The following TEAD1 variants were observed in gnomAD, a reference collection of about 807,000 sequenced individuals.
TEAD1 encodes the protein transcriptional enhancer factor TEF-1.
A neutral mutation model predicts 54.9 loss-of-function variants in TEAD1; 9 were observed. The ratio of observed to expected loss-of-function variants is 0.16; its 90% CI spans 0.10 to 0.29. The LOEUF is 0.29. Among genes scored for constraint, TEAD1 ranks in the 10% least tolerant of loss-of-function variants. The probability of loss-of-function intolerance (pLI) is 1.00; values close to 1 mark genes in which losing one functional copy is unlikely to be tolerated. For missense variants in TEAD1, 387 were observed against 535.9 expected, an observed-to-expected ratio of 0.72 and a Z score of 2.74; for synonymous variants, 200 against 187.8, an observed-to-expected ratio of 1.07 and a Z score of -0.53.
At chr11:12,766,586 T>C (rs1945212505) in intron 3 of TEAD1, among the ~76,000 whole-genome samples, 1 of 152,208 alleles carries the variant, frequency 6.6e-6, no homozygotes, top group Non-Finnish European at 1.5e-5. Context: ...TTCTTGTCAC[T>C]GAGCAAGAGG....
chr11:12,749,668 C>G (rs577284018), intron 2 of TEAD1, among the ~76,000 whole-genome samples: 4 of 152,318 alleles, frequency 2.6e-5, no homozygotes, highest in South Asian at 2.1e-4. Flanking sequence ...CTGTCCGTAC[C>G]TCTCTTGGAC....
intron 3 of TEAD1, among the ~76,000 whole-genome samples, chr11:12,801,564 G>C (rs997184967): frequency 6.6e-6 from 1 of 152,228 alleles, no homozygotes; most frequent in South Asian, 2.1e-4. Flanking sequence ...CTATTTTGCA[G>C]ATGCACAAAC....
At chr11:12,769,431 A>G (rs1173602339) in intron 3 of TEAD1, among the ~76,000 whole-genome samples, 1 of 152,218 alleles carries the variant, frequency 6.6e-6, no homozygotes. Context: ...AAGTGGGAGT[A>G]TGTATTGATT....
chr11:12,801,731 G>A (rs115460040), intron 3 of TEAD1, among the ~76,000 whole-genome samples: 291 of 152,302 alleles, frequency 1.9e-3, no homozygotes, highest in African/African-American at 6.5e-3. Flanking sequence ...GTGCATTGTC[G>A]CCACAGAGTC....
chr11:12,817,423 G>C (rs113555900), intron 3 of TEAD1, among the ~76,000 whole-genome samples: 293 of 152,210 alleles, frequency 1.9e-3, no homozygotes, highest in African/African-American at 6.6e-3. Flanking sequence ...TTGATCTGTT[G>C]TACCCTATTT....
chr11:12,820,714 C>T (rs1369409755), intron 3 of TEAD1, among the ~76,000 whole-genome samples: 2 of 151,510 alleles, frequency 1.3e-5, no homozygotes, highest in East Asian at 3.8e-4. Context: ...GGAACCCGGA[C>T]AAAGAAAAAC....
In TEAD1 at chr11:12,719,774, A is replaced by G. The variant is rs184903305; in HGVS notation, c.-55+44213A>G. ...CTGCGAAGAACTTGGCCAGCTATAC[A>G]ATCTTGAGCTAATAGCTAAAAAAAC... On this transcript the variant is annotated intron_variant, in intron 2 of 12. Coordinates refer to ENST00000527636, the MANE Select transcript of TEAD1 (RefSeq NM_021961.6). 1.4e-3 allele frequency among the ~76,000 whole-genome samples: 202 copies of G among 149,396 alleles called. No homozygotes were observed. In the Middle Eastern group the frequency reaches 0.024, roughly 18 times the overall value.
intron 3 of TEAD1, among the ~76,000 whole-genome samples, chr11:12,854,479 C>T (rs73427636): frequency 0.012 from 1,859 of 152,194 alleles, 30 homozygotes; most frequent in African/African-American, 0.043. Flanking sequence ...GTGCTGTGAC[C>T]GAGAGGCGTA....
intron 2 of TEAD1, among the ~76,000 whole-genome samples, chr11:12,678,599 G>A (rs573488602): frequency 1.2e-3 from 177 of 152,288 alleles, no homozygotes; most frequent in African/African-American, 3.8e-3. Flanking sequence ...CTTTTTGACA[G>A]ACACCTTATT....
At chr11:12,879,376 A>C (rs1295480826) in intron 5 of TEAD1, 2 of 577,150 alleles carry the variant, frequency 3.5e-6, no homozygotes, top group East Asian at 5.9e-5. Flanking sequence ...TCTTCCTTAA[A>C]TGTTTTAAGT....
chr11:12,767,053 A>G (rs1454335860), intron 3 of TEAD1, among the ~76,000 whole-genome samples: 1 of 152,074 alleles, frequency 6.6e-6, no homozygotes, highest in Admixed American at 6.5e-5. Context: ...TAATGGGACT[A>G]TTGGTGGTGG....
Position 12,833,797 on chromosome 11 carries a change from T to G in TEAD1, c.203-28453T>G, listed in dbSNP as rs139372947. On this transcript the variant is annotated intron_variant, in intron 3 of 12. Transcript: ENST00000527636. The stretch of plus-strand genomic sequence containing the variant: ...TTTTTGTACTTAGTATGCTCTTTCT[T>G]TAATTAGTCATTTTATAGATTCCCA... 4.6e-3 allele frequency among the ~76,000 whole-genome samples: 698 copies of G among 152,304 alleles called. 10 individuals carry two copies. Among genetic ancestry groups the G allele is most frequent in the African/African-American group, 0.016 (660 of 41,574 alleles).
intron 3 of TEAD1, among the ~76,000 whole-genome samples, chr11:12,790,438 C>T (rs1168148408): frequency 6.6e-6 from 1 of 152,168 alleles, no homozygotes; most frequent in African/African-American, 2.4e-5. Context: ...ACAGTAGGTA[C>T]TCAGTAAATG....
In TEAD1 at chr11:12,747,195, G is replaced by A. The variant is rs576078787; in HGVS notation, c.-54-16984G>A. 3.9e-5 allele frequency among the ~76,000 whole-genome samples: 6 copies of A among 152,316 alleles called. No individual in the cohort carries two copies. The East Asian group carries it at 1.2e-3, about 29-fold the overall frequency. ...GTTAAAATAAAGCAAATGGTTATTT[G>A]TTGAGCTGGGCTAGGGGGCTGGAGT... On this transcript the variant is annotated intron_variant, in intron 2 of 12. Coordinates refer to ENST00000527636, the MANE Select transcript of TEAD1 (RefSeq NM_021961.6).
chr11:12,846,898 A>T (rs897146439), intron 3 of TEAD1, among the ~76,000 whole-genome samples: 3 of 152,184 alleles, frequency 2.0e-5, no homozygotes, highest in African/African-American at 7.2e-5. Context: ...GTCCTCTTTC[A>T]TTGCCAGTCT....
chr11:12,799,754 G>A (rs1002080287), intron 3 of TEAD1, among the ~76,000 whole-genome samples: 3 of 152,092 alleles, frequency 2.0e-5, no homozygotes, highest in Non-Finnish European at 4.4e-5. Flanking sequence ...AAGCTGTTAC[G>A]CTGCTTGTAA....
At chr11:12,717,219 C>T (rs1324902184) in intron 2 of TEAD1, among the ~76,000 whole-genome samples, 2 of 152,154 alleles carry the variant, frequency 1.3e-5, no homozygotes, top group African/African-American at 4.8e-5. Context: ...CAGTTGTATG[C>T]CTCTGGTATG....
intron 3 of TEAD1, among the ~76,000 whole-genome samples, chr11:12,856,856 G>A (rs533010832): frequency 6.6e-6 from 1 of 152,272 alleles, no homozygotes; most frequent in East Asian, 1.9e-4. Flanking sequence ...GGGAAGAGAA[G>A]CATTGCATTT....
At chr11:12,880,771 TCTGCCCTTGGGGG>T (rs1415398981) in intron 6 of TEAD1, among the ~76,000 whole-genome samples, 1 of 152,234 alleles carries the variant, frequency 6.6e-6, no homozygotes, top group Non-Finnish European at 1.5e-5. Flanking sequence ...GCTGCCTGCG[TCTGCCCTTGGGGG>T]CATTTTCAGG....
Sources: allele counts gnomAD v4.1 joint callset (sites outside exome capture counted in the v4.1 genomes callset), GRCh38; gene constraint gnomAD v4.1.1; transcripts MANE v1.5; gene names NCBI Gene and HGNC (gene_info 2026-07-23, HGNC 2026-07-21).